USP32: variants seen among roughly 807,000 people sequenced by gnomAD.
USP32 encodes the protein ubiquitin carboxyl-terminal hydrolase 32.
In USP32, 59 loss-of-function variants were observed where a neutral mutation model predicts 204.8. The ratio of observed to expected loss-of-function variants is 0.29; its 90% CI spans 0.23 to 0.36. The LOEUF is 0.36. Among genes scored for constraint, USP32 ranks in the 10% least tolerant of loss-of-function variants. The probability of loss-of-function intolerance (pLI) is 1.00; values close to 1 mark genes in which losing one functional copy is unlikely to be tolerated. For missense variants in USP32, 1,160 were observed against 1,946.4 expected, an observed-to-expected ratio of 0.60 and a Z score of 7.60; for synonymous variants, 517 against 678.4, an observed-to-expected ratio of 0.76 and a Z score of 3.70.
rs535483685 is a variant in USP32, at chr17:60,284,604, G to A, written c.571+3919C>T. Among the ~76,000 whole-genome samples, 5 of 152,148 alleles carry A rather than the reference G, an allele frequency of 3.3e-5. No homozygotes were observed. In the South Asian group the frequency reaches 8.3e-4, roughly 25 times the overall value. On this transcript the variant is annotated intron_variant, in intron 5 of 33. Coordinates refer to ENST00000300896, the MANE Select transcript of USP32 (RefSeq NM_032582.4). ...AAAAAAGATGATTTTCAAATAAAAC[G>A]GAGCCATTTTTAACATATTGAAAAT...
chr17:60,215,697 AAG>A (rs1157858382), intron 16 of USP32, among the ~76,000 whole-genome samples: 7 of 152,320 alleles, frequency 4.6e-5, no homozygotes, highest in African/African-American at 1.4e-4. Flanking sequence ...ATTAAAAAAA[AAG>A]AGAATTTGAC....
chr17:60,331,340 C>T (rs568376962), intron 2 of USP32, among the ~76,000 whole-genome samples: 95 of 151,234 alleles, frequency 6.3e-4, no homozygotes, highest in African/African-American at 2.1e-3. Flanking sequence ...CCAAGGCAGG[C>T]GGACTGCTTG....
At chr17:60,394,805 G>A (rs545069440), upstream of USP32, among the ~76,000 whole-genome samples, 11 of 152,094 alleles carry the variant, frequency 7.2e-5, no homozygotes, top group East Asian at 3.9e-4. Context: ...ATGCAGTGGC[G>A]CAATCTCGGT....
intron 1 of USP32, among the ~76,000 whole-genome samples, chr17:60,356,256 G>A (rs992692177): frequency 2.6e-5 from 4 of 152,080 alleles, no homozygotes; most frequent in Non-Finnish European, 4.4e-5. Flanking sequence ...CTAACAAGAG[G>A]TTAACCAAAA....
intron 30 of USP32, among the ~76,000 whole-genome samples, chr17:60,185,199 A>G (rs2084220315): frequency 6.6e-6 from 1 of 152,230 alleles, no homozygotes; most frequent in Non-Finnish European, 1.5e-5. Context: ...CCCTTGTGGC[A>G]GTTCTCACAT....
At chr17:60,414,956 A>G (rs2090049084) in intron 1 of USP32, among the ~76,000 whole-genome samples, 2 of 151,998 alleles carry the variant, frequency 1.3e-5, no homozygotes, top group African/African-American at 2.4e-5. Flanking sequence ...GGTTCAAGCA[A>G]TAATTCTACC....
intron 1 of USP32, chr17:60,421,329 A>C: frequency 1.0e-6 from 1 of 976,108 alleles, no homozygotes; most frequent in Non-Finnish European, 1.2e-6. Flanking sequence ...TTCTGGACTC[A>C]AAGGGTGCTC....
Position 60,391,981 on chromosome 17 carries a change from G to GCCCCCC in USP32, c.-43_-42insGGGGGG. 6 of 1,585,542 alleles carry GCCCCCC rather than the reference G, an allele frequency of 3.8e-6. No homozygotes were observed. The highest frequency in any genetic ancestry group is 3.4e-5 in the South Asian group (3 of 87,710). ...CGGCGGGGGGTCGGAGCCTGATCTCGCCCCCACCCCCCTCCCGCCTTCTCC... is the reference window on the plus strand; with the variant it reads ...CGGCGGGGGGTCGGAGCCTGATCTCGCCCCCCCCCCCACCCCCCTCCCGCCTTCTCC... On this transcript the variant is annotated 5_prime_UTR_variant, in exon 1 of 34. Transcript: ENST00000300896.
chr17:60,200,582 T>G (rs1401020053), intron 26 of USP32, among the ~76,000 whole-genome samples: 1 of 151,810 alleles, frequency 6.6e-6, no homozygotes, highest in Non-Finnish European at 1.5e-5. Flanking sequence ...AAAAGTACAT[T>G]TCAAATAATT....
At chr17:60,196,410 C>A (rs190699925) in intron 27 of USP32, among the ~76,000 whole-genome samples, 242 of 152,262 alleles carry the variant, frequency 1.6e-3, no homozygotes, top group Non-Finnish European at 2.9e-3. Context: ...TTAATCTTGT[C>A]CAACTTTCAT....
chr17:60,385,497 A>G (rs1376471474), intron 1 of USP32, among the ~76,000 whole-genome samples: 1 of 152,166 alleles, frequency 6.6e-6, no homozygotes, highest in African/African-American at 2.4e-5. Flanking sequence ...GTGAGCCAAG[A>G]TTGCGCCACT....
At chr17:60,270,813 A>G (rs2086706285) in intron 6 of USP32, among the ~76,000 whole-genome samples, 2 of 150,554 alleles carry the variant, frequency 1.3e-5, no homozygotes, top group Admixed American at 1.3e-4. Flanking sequence ...ACAAGAGCAA[A>G]ACTCTGCCTC....
chr17:60,180,165 A>G (rs1031687826), intron 33 of USP32, among the ~76,000 whole-genome samples: 1 of 152,108 alleles, frequency 6.6e-6, no homozygotes, highest in Admixed American at 6.5e-5. Flanking sequence ...AGCTGGGATT[A>G]GAGGCACGCG....
rs79207248 is a variant in USP32, at chr17:60,277,443, A to C, written c.572-5962T>G. Among the ~76,000 whole-genome samples, 362 of 152,334 alleles carry C rather than the reference A, an allele frequency of 2.4e-3. 2 individuals are homozygous for C. The highest frequency in any genetic ancestry group is 7.6e-3 in the African/African-American group (315 of 41,584). ...TTAAAATGGCTGTAAGCCTTGCATC[A>C]CTAACGGATAAGAGGATAATGAAGG... On this transcript the variant is annotated intron_variant, in intron 5 of 33. Transcript: ENST00000300896.
At chr17:60,341,079 C>G (rs2088646864) in intron 2 of USP32, among the ~76,000 whole-genome samples, 2 of 152,024 alleles carry the variant, frequency 1.3e-5, no homozygotes, top group African/African-American at 4.8e-5. Flanking sequence ...GTAACTCGAC[C>G]TTTCTCTCTG....
intron 1 of USP32, among the ~76,000 whole-genome samples, chr17:60,388,772 G>C (rs1261602231): frequency 2.0e-5 from 3 of 152,178 alleles, no homozygotes. Context: ...TTAAGGTTTA[G>C]ACAACTGACA....
intron 15 of USP32, among the ~76,000 whole-genome samples, chr17:60,221,047 C>T (rs1258755368): frequency 6.6e-6 from 1 of 151,798 alleles, no homozygotes; most frequent in East Asian, 1.9e-4. Context: ...ATATCTTCTG[C>T]AACAGAACTT....
intron 1 of USP32, among the ~76,000 whole-genome samples, chr17:60,347,346 G>A (rs2088810455): frequency 7.3e-6 from 1 of 136,350 alleles, no homozygotes; most frequent in African/African-American, 3.4e-5. Context: ...CACCACACCT[G>A]GCTCATTTTT....
chr17:60,396,179 G>A (rs2089899550), upstream of USP32, among the ~76,000 whole-genome samples: 1 of 139,298 alleles, frequency 7.2e-6, no homozygotes, highest in Non-Finnish European at 1.5e-5. Flanking sequence ...CCGGACTCAA[G>A]CAATCCTCCC....
Sources: allele counts gnomAD v4.1 joint callset (sites outside exome capture counted in the v4.1 genomes callset), GRCh38; gene constraint gnomAD v4.1.1; transcripts MANE v1.5; gene names NCBI Gene and HGNC (gene_info 2026-07-23, HGNC 2026-07-21).